Variants in RNF125 observed in about 807,000 individuals in gnomAD.
RNF125 encodes E3 ubiquitin-protein ligase RNF125.
RNF125 carries 21 observed loss-of-function variants against 26.0 expected under a neutral mutation model. The ratio of observed to expected loss-of-function variants is 0.81; its 90% CI spans 0.57 to 1.16. RNF125 has a LOEUF of 1.16. Among genes scored for constraint, RNF125 ranks in the 50% most tolerant of loss-of-function variants. The probability of loss-of-function intolerance (pLI) is 0.00; values close to 1 mark genes in which losing one functional copy is unlikely to be tolerated. For synonymous variants in RNF125, 95 were observed against 109.2 expected (o/e 0.87, Z 0.81); for missense variants, 270 against 299.4 (o/e 0.90, Z 0.72).
At chr18:32,028,468 G>C (rs1474606217) in intron 1 of RNF125, among the ~76,000 whole-genome samples, 4 of 151,840 alleles carry the variant, frequency 2.6e-5, no homozygotes, top group Non-Finnish European at 5.9e-5. Context: ...TACCAATGTA[G>C]ACTTTTCTCT....
At chr18:32,056,895 T>C (rs2039390965) in intron 4 of RNF125, among the ~76,000 whole-genome samples, 1 of 152,202 alleles carries the variant, frequency 6.6e-6, no homozygotes, top group African/African-American at 2.4e-5. Flanking sequence ...ATAATAGACA[T>C]ACAGCAGCAT....
At chr18:32,064,382 ATCTTTT>A (rs1568208819) in intron 4 of RNF125, among the ~76,000 whole-genome samples, 12 of 126,344 alleles carry the variant, frequency 9.5e-5, no homozygotes, top group African/African-American at 3.2e-4. Flanking sequence ...ATCTGGTGAA[ATCTTTT>A]TCTTTTTCTT....
Position 32,042,278 on chromosome 18 carries a change from G to A in RNF125, c.413+5G>A. 6.4e-7 allele frequency: 1 copy of A among 1,572,698 alleles called. No individual in the cohort carries two copies. The highest frequency in any genetic ancestry group is 8.7e-7 in the Non-Finnish European group (1 of 1,143,992). On this transcript the variant is annotated splice_donor_5th_base_variant and intron_variant, in intron 3 of 5. Coordinates refer to ENST00000217740, the MANE Select transcript of RNF125 (RefSeq NM_017831.4). ...ACTTGAGGAGACAGCAGCAAGGTTT[G>A]TTTCAATACAATATAGTTTAATGCT...
intron 4 of RNF125, among the ~76,000 whole-genome samples, chr18:32,055,979 CAAAAAAAAAAA>C (rs67968645): frequency 2.5e-5 from 2 of 78,864 alleles, no homozygotes; most frequent in Admixed American, 1.7e-4. Context: ...AACTCCATCT[CAAAAAAAAAAA>C]AAAAAAAAAA....
chr18:32,053,942 AGC>A (rs1158511262), intron 4 of RNF125, among the ~76,000 whole-genome samples: 1,651 of 152,200 alleles, frequency 0.011, 34 homozygotes, highest in African/African-American at 0.038. Flanking sequence ...GTATCCATGA[AGC>A]AGTATCAACT....
At position 32,042,311 on chromosome 18, in the gene RNF125, A is replaced by G. The variant is rs760207927; in HGVS notation, c.413+38A>G. On this transcript the variant is annotated intron_variant, in intron 3 of 5. Transcript: ENST00000217740. ...ACAATATAGTTTAATGCTAAAATTG[A>G]TAATGTTTATAAAGAATTTAATGGG... 39 of 1,249,054 alleles carry G rather than the reference A, an allele frequency of 3.1e-5. 1 individual carries two copies. The South Asian group carries it at 5.0e-4, about 16-fold the overall frequency. 77.4% of individuals were successfully genotyped at this position (1,249,054 alleles called of 1,614,324 possible).
At position 32,045,730 on chromosome 18, in the gene RNF125, G is replaced by T; in HGVS notation, c.502G>T (p.Val168Leu). Residue 168 changes from valine to leucine, a missense_variant and splice_region_variant, in exon 4 of 6, where the codon GTG becomes TTG. Val to Leu is a conservative substitution (Grantham distance 32). Transcript: ENST00000217740. The part of the protein sequence containing the change: ...ITHHRSERRP[V>L]FCPLCRLIPD... ...TCATCACAGATCGGAACGGAGGCCT[G>T]TGGTAAGGATTTTTGTTACATGTAT... 1.2e-6 allele frequency: 2 copies of T among 1,608,436 alleles called. No individual in the cohort carries two copies. The highest frequency in any genetic ancestry group is 1.7e-4 in the Middle Eastern group (1 of 6,040).
chr18:32,076,809 CT>C (rs1327915936), downstream of RNF125, among the ~76,000 whole-genome samples: 1 of 152,140 alleles, frequency 6.6e-6, no homozygotes, highest in Admixed American at 6.5e-5. Flanking sequence ...TCTATTCCTT[CT>C]GTTTGAAAAG....
At chr18:32,026,373 C>T (rs1477054540) in intron 1 of RNF125, among the ~76,000 whole-genome samples, 5 of 151,370 alleles carry the variant, frequency 3.3e-5, no homozygotes, top group South Asian at 2.1e-4. Flanking sequence ...CTCAGCATCC[C>T]GAGTAGCTGG....
intron 2 of RNF125, among the ~76,000 whole-genome samples, chr18:32,037,512 A>G (rs925453863): frequency 2.6e-5 from 4 of 151,626 alleles, no homozygotes; most frequent in African/African-American, 9.7e-5. Flanking sequence ...AGCTGGGTCT[A>G]CAGGCACCTG....
At chr18:32,064,405 T>C (rs1272882700) in intron 4 of RNF125, among the ~76,000 whole-genome samples, 7 of 136,000 alleles carry the variant, frequency 5.1e-5, no homozygotes, top group South Asian at 5.1e-4. Context: ...TCTTTTTTTT[T>C]TTTTTTTTTT....
the RNF125 span, among the ~76,000 whole-genome samples, chr18:32,086,128 T>C: frequency 1.1e-4 from 17 of 152,174 alleles, no homozygotes; most frequent in Non-Finnish European, 2.4e-4. Flanking sequence ...GCTTTTCTTT[T>C]CACGGCTGGC....
intron 4 of RNF125, among the ~76,000 whole-genome samples, chr18:32,060,295 C>A (rs968063175): frequency 2.0e-5 from 3 of 152,184 alleles, no homozygotes; most frequent in Non-Finnish European, 4.4e-5. Flanking sequence ...CTGGCCTGCA[C>A]AGTGAATGGG....
At chr18:32,041,645 T>TTTTTTTTTTTTTTG (rs1242648581) in intron 2 of RNF125, among the ~76,000 whole-genome samples, 1 of 95,476 alleles carries the variant, frequency 1.0e-5, no homozygotes, top group African/African-American at 5.3e-5. Context: ...TTTTTTTTTT[T>TTTTTTTTTTTTTTG]TTTGAGACGG....
rs191884819 is a variant in RNF125 at position 32,044,724 on chromosome 18, C to T, written c.414-918C>T. On this transcript the variant is annotated intron_variant, in intron 3 of 5. Transcript: ENST00000217740. ...GATTACCTTTTCCTTCCTCCCTTTCCGAATTCACATAACATTTAGATGGGG... is the reference window on the plus strand; with the variant it reads ...GATTACCTTTTCCTTCCTCCCTTTCTGAATTCACATAACATTTAGATGGGG... Among the ~76,000 whole-genome samples, 307 of 152,206 alleles carry T rather than the reference C, an allele frequency of 2.0e-3. 2 individuals carry two copies. Among genetic ancestry groups the T allele is most frequent in the African/African-American group, 7.1e-3 (296 of 41,522 alleles).
chr18:32,018,900 G>A lies in RNF125; in HGVS notation c.37G>A (p.Ala13Thr). The A allele has an allele frequency of 6.3e-7, 1 of 1,599,742 alleles. No homozygotes were observed. Among genetic ancestry groups the A allele is most frequent in the Non-Finnish European group, 8.5e-7 (1 of 1,173,604 alleles). Residue 13 changes from alanine to threonine, a missense_variant, in exon 1 of 6, where the codon GCG becomes ACG. Physicochemically the swap from Ala to Thr is moderately conservative, Grantham distance 58 (BLOSUM62 0). Coordinates refer to ENST00000217740, the MANE Select transcript of RNF125 (RefSeq NM_017831.4). ...GCTGAGCACCGACAGCGGCAAATCG[G>A]CGCCCGCCTCTGCCACCGCGCGGGC... Reference protein sequence around the residue: ...SVLSTDSGKSAPASATARALE... With the variant: ...SVLSTDSGKSTPASATARALE...
At chr18:32,036,553 C>T (rs1042314735) in intron 1 of RNF125, among the ~76,000 whole-genome samples, 1 of 134,758 alleles carries the variant, frequency 7.4e-6, no homozygotes, top group Non-Finnish European at 1.6e-5. Context: ...TATTTCTTGA[C>T]CAGAAAGGAA....
chr18:32,090,591 A>T, the RNF125 span, among the ~76,000 whole-genome samples: 1 of 152,226 alleles, frequency 6.6e-6, no homozygotes, highest in Non-Finnish European at 1.5e-5. Context: ...TTAACTCTAT[A>T]TATTTCTAAT....
intron 3 of RNF125, among the ~76,000 whole-genome samples, 167 bp downstream of exon 3, chr18:32,042,440 A>G (rs191704906): frequency 2.0e-5 from 3 of 152,358 alleles, no homozygotes; most frequent in East Asian, 1.9e-4. Context: ...AATCATTGTT[A>G]AGGAATTTTG....
Sources: gnomAD v4.1 joint callset for allele counts (sites outside exome capture counted in the v4.1 genomes callset) on GRCh38, gnomAD v4.1.1 for gene constraint, MANE v1.5 for transcripts, NCBI Gene and HGNC (gene_info 2026-07-23, HGNC 2026-07-21) for gene names.